FHIT: variants seen among roughly 807,000 people sequenced by gnomAD.
The protein encoded by FHIT is fragile histidine triad diadenosine triphosphatase, also known as bis(5'-adenosyl)-triphosphatase.
A neutral mutation model predicts 17.9 loss-of-function variants in FHIT; 19 were observed. The observed-to-expected ratio is 1.06, with a 90% confidence interval of 0.74 to 1.56. The LOEUF (loss-of-function observed/expected upper bound fraction) is 1.56. Among genes scored for constraint, FHIT ranks in the 40% most tolerant of loss-of-function variants. The pLI is 0.00. For synonymous variants in FHIT, 81 were observed against 69.7 expected, an observed-to-expected ratio of 1.16 and a Z score of -0.81; for missense variants, 248 against 189.2, an observed-to-expected ratio of 1.31 and a Z score of -1.82.
chr3:60,078,158 GA>G (rs1175913086), intron 5 of FHIT, among the ~76,000 whole-genome samples: 1 of 151,888 alleles, frequency 6.6e-6, no homozygotes, highest in Admixed American at 6.6e-5. Flanking sequence ...AAAAGTATAA[GA>G]AAAAACATAC....
At chr3:60,502,311 G>A (rs996138233) in intron 5 of FHIT, among the ~76,000 whole-genome samples, 2 of 152,162 alleles carry the variant, frequency 1.3e-5, no homozygotes, top group Admixed American at 1.3e-4. Flanking sequence ...AGTGGTCATA[G>A]AGGAAGACCT....
chr3:60,180,592 G>C (rs1206248719), intron 5 of FHIT, among the ~76,000 whole-genome samples: 1 of 151,710 alleles, frequency 6.6e-6, no homozygotes, highest in Non-Finnish European at 1.5e-5. Context: ...TTAGCTCTTT[G>C]TTTGTCTTAG....
At chr3:60,672,110 G>A (rs1553694073) in intron 4 of FHIT, among the ~76,000 whole-genome samples, 1 of 152,096 alleles carries the variant, frequency 6.6e-6, no homozygotes, top group Non-Finnish European at 1.5e-5. Flanking sequence ...ACATATATTT[G>A]TATTCCTTTT....
intron 5 of FHIT, among the ~76,000 whole-genome samples, chr3:60,133,402 G>A (rs1356296027): frequency 6.6e-6 from 1 of 152,140 alleles, no homozygotes; most frequent in Admixed American, 6.5e-5. Flanking sequence ...TCTCCTGCCT[G>A]GAGGGGTAGA....
At chr3:61,207,639 T>G (rs9854694) in intron 1 of FHIT, among the ~76,000 whole-genome samples, 20,532 of 152,222 alleles carry the variant, frequency 0.13, 1,496 homozygotes, top group Non-Finnish European at 0.15. Context: ...GATGGTAGTT[T>G]GTATTTCTGT....
chr3:60,653,970 C>T (rs530295871), intron 4 of FHIT, among the ~76,000 whole-genome samples: 1 of 152,274 alleles, frequency 6.6e-6, no homozygotes, highest in African/African-American at 2.4e-5. Context: ...GGACAGATCC[C>T]TCATAAATGG....
intron 8 of FHIT, among the ~76,000 whole-genome samples, chr3:59,857,681 T>C (rs970127569): frequency 6.7e-6 from 1 of 149,460 alleles, no homozygotes; most frequent in Non-Finnish European, 1.5e-5. Context: ...ACGTCACTTA[T>C]GACTATGCTG....
chr3:60,026,166 ACT>A (rs1010859692), intron 5 of FHIT, among the ~76,000 whole-genome samples: 1 of 152,042 alleles, frequency 6.6e-6, no homozygotes, highest in African/African-American at 2.4e-5. Flanking sequence ...ACTCCTGTCT[ACT>A]CTTTCTTCTT....
chr3:60,565,068 C>T (rs2037084315), intron 4 of FHIT, among the ~76,000 whole-genome samples: 1 of 152,118 alleles, frequency 6.6e-6, no homozygotes, highest in African/African-American at 2.4e-5. Context: ...CAGCCATCAA[C>T]ATTGAGGCAA....
chr3:60,720,389 G>A (rs1280260146), intron 4 of FHIT, among the ~76,000 whole-genome samples: 1 of 152,060 alleles, frequency 6.6e-6, no homozygotes, highest in Admixed American at 6.5e-5. Flanking sequence ...AATAAATGAA[G>A]GAATTAATGA....
intron 5 of FHIT, among the ~76,000 whole-genome samples, chr3:60,094,816 AGAAGAAGAGAGAGAGAG>A (rs1703874075): frequency 1.1e-5 from 1 of 91,722 alleles, no homozygotes; most frequent in East Asian, 3.0e-4. Context: ...AGAGAGAGAG[AGAAGAAGAGAGAGAGAG>A]AAGGAGAGAG....
At chr3:61,045,048 T>A (rs2033716116) in intron 2 of FHIT, among the ~76,000 whole-genome samples, 1 of 152,042 alleles carries the variant, frequency 6.6e-6, no homozygotes, top group African/African-American at 2.4e-5. Context: ...ATAAAGACCA[T>A]CAATACTAGG....
At chr3:59,889,734 A>T (rs1703772605) in intron 8 of FHIT, among the ~76,000 whole-genome samples, 1 of 152,218 alleles carries the variant, frequency 6.6e-6, no homozygotes, top group Non-Finnish European at 1.5e-5. Context: ...TAATAAATAC[A>T]GTCTTTGGTG....
chr3:60,117,510 A>G (rs1705025170), intron 5 of FHIT, among the ~76,000 whole-genome samples: 1 of 151,088 alleles, frequency 6.6e-6, no homozygotes, highest in South Asian at 2.1e-4. Flanking sequence ...AAAAAAAAAA[A>G]AAAAAAAAAG....
chr3:60,570,214 G>A (rs572027396), intron 4 of FHIT, among the ~76,000 whole-genome samples: 3 of 152,104 alleles, frequency 2.0e-5, no homozygotes, highest in Non-Finnish European at 4.4e-5. Flanking sequence ...CAGAAATAAA[G>A]AAAGAGGAGA....
chr3:60,209,029 G>C (rs759010002), intron 5 of FHIT, among the ~76,000 whole-genome samples: 5 of 152,042 alleles, frequency 3.3e-5, no homozygotes, highest in Non-Finnish European at 7.4e-5. Flanking sequence ...CAGACATAAA[G>C]AATATTTATC....
chr3:60,725,701 A>G (rs958508173), intron 4 of FHIT, among the ~76,000 whole-genome samples: 1 of 152,200 alleles, frequency 6.6e-6, no homozygotes, highest in Non-Finnish European at 1.5e-5. Flanking sequence ...GTATTTTGCT[A>G]TATCAGGAAG....
At chr3:60,569,057 G>C (rs1275492536) in intron 4 of FHIT, among the ~76,000 whole-genome samples, 2 of 151,554 alleles carry the variant, frequency 1.3e-5, no homozygotes, top group African/African-American at 4.9e-5. Context: ...CCAACTCTGG[G>C]CTTGCCTTAT....
chr3:59,833,632 G>T (rs373696884), intron 8 of FHIT, among the ~76,000 whole-genome samples: 97 of 152,270 alleles, frequency 6.4e-4, no homozygotes, highest in African/African-American at 2.2e-3. Context: ...CTAATACAAA[G>T]CCCATCAGGT....
Sources: gnomAD v4.1 joint callset for allele counts (sites outside exome capture counted in the v4.1 genomes callset) on GRCh38, gnomAD v4.1.1 for gene constraint, MANE v1.5 for transcripts, NCBI Gene and HGNC (gene_info 2026-07-23, HGNC 2026-07-21) for gene names.